Variants in CCDC171 observed in about 807,000 individuals in gnomAD.
CCDC171 encodes coiled-coil domain containing 171.
In CCDC171, 177 loss-of-function variants were observed where a neutral mutation model predicts 168.2. The observed-to-expected ratio is 1.05, with a 90% CI of 0.93 to 1.19. The LOEUF is 1.19. CCDC171 is among the 50% of genes most tolerant of loss of function. The pLI is 0.00. For missense variants in CCDC171, 1,991 were observed against 1,539.0 expected, an observed-to-expected ratio of 1.29 and a Z score of -4.91; for synonymous variants, 687 against 540.8, an observed-to-expected ratio of 1.27 and a Z score of -3.75.
intron 23 of CCDC171, among the ~76,000 whole-genome samples, chr9:15,863,093 T>G (rs1472097356): frequency 1.3e-5 from 2 of 151,866 alleles, no homozygotes; most frequent in Non-Finnish European, 2.9e-5. Flanking sequence ...GTATGTTGGG[T>G]CATGTCAGTA....
chr9:15,893,486 A>T (rs1820483470), intron 24 of CCDC171, among the ~76,000 whole-genome samples: 1 of 152,202 alleles, frequency 6.6e-6, no homozygotes, highest in Non-Finnish European at 1.5e-5. Flanking sequence ...CTATCATCAG[A>T]TTGAGCAGAC....
chr9:15,982,821 G>C (rs909482147), intron 3 of CCDC171, among the ~76,000 whole-genome samples: 2 of 152,068 alleles, frequency 1.3e-5, no homozygotes, highest in African/African-American at 4.8e-5. Context: ...ACTCTTCTGT[G>C]TCCAGAGAGA....
At chr9:15,587,933 C>A (rs1289078420) in intron 4 of CCDC171, among the ~76,000 whole-genome samples, 1 of 152,072 alleles carries the variant, frequency 6.6e-6, no homozygotes, top group Non-Finnish European at 1.5e-5. Flanking sequence ...AAGATGAAAT[C>A]TATTAGAAAT....
At chr9:15,743,811 T>C (rs2055066302) in intron 16 of CCDC171, among the ~76,000 whole-genome samples, 2 of 152,206 alleles carry the variant, frequency 1.3e-5, no homozygotes, top group Non-Finnish European at 1.5e-5. Flanking sequence ...TGTTATATCA[T>C]TGATTGAACC....
intron 24 of CCDC171, among the ~76,000 whole-genome samples, chr9:15,906,349 G>T (rs981924421): frequency 6.6e-6 from 1 of 152,104 alleles, no homozygotes; most frequent in Admixed American, 6.5e-5. Flanking sequence ...TTCATCCCTG[G>T]GATGCAAAGC....
chr9:15,741,778 T>G lies in CCDC171; in HGVS notation c.2050-2495T>G, dbSNP rs144214121. On this transcript the variant is annotated intron_variant, in intron 16 of 25. Transcript: ENST00000380701. ...CTCTACTTGCTTTTTGTTGCCTAGT[T>G]GTACTGGCTAATAACACACCAAATA... 2.7e-3 allele frequency among the ~76,000 whole-genome samples: 406 copies of G among 152,330 alleles called. 2 individuals carry two copies. Among genetic ancestry groups the G allele is most frequent in the African/African-American group, 9.1e-3 (380 of 41,566 alleles).
intron 2 of CCDC171, among the ~76,000 whole-genome samples, chr9:15,565,245 C>T (rs181911429): frequency 1.8e-3 from 277 of 152,146 alleles, no homozygotes; most frequent in African/African-American, 1.2e-3. Flanking sequence ...CCTGCTGCCA[C>T]GCCTGGCTAA....
At chr9:15,793,556 T>TTTTTTTTGTTTG (rs1256835899) in intron 21 of CCDC171, among the ~76,000 whole-genome samples, 20 of 43,194 alleles carry the variant, frequency 4.6e-4, no homozygotes, top group African/African-American at 1.1e-3. Flanking sequence ...CCAAGGTTTT[T>TTTTTTTTGTTTG]TTTTTTTTTT....
intron 10 of CCDC171, among the ~76,000 whole-genome samples, chr9:15,683,135 A>C (rs1051368482): frequency 2.0e-5 from 3 of 152,022 alleles, no homozygotes; most frequent in Middle Eastern, 3.2e-3. Context: ...TCTAGGAGAG[A>C]CTTTATATTG....
intron 3 of CCDC171, among the ~76,000 whole-genome samples, chr9:16,001,042 C>A (rs1832527613): frequency 6.6e-6 from 1 of 152,030 alleles, no homozygotes. Context: ...ACCAAACTTG[C>A]CAAGAGGGTT....
At chr9:15,682,339 C>T (rs1028457641) in intron 10 of CCDC171, among the ~76,000 whole-genome samples, 2 of 151,904 alleles carry the variant, frequency 1.3e-5, no homozygotes, top group African/African-American at 2.4e-5. Context: ...TGATAGCTCC[C>T]CTGTTTTGAG....
intron 1 of CCDC171, among the ~76,000 whole-genome samples, chr9:16,055,580 G>T (rs1038308870): frequency 2.6e-5 from 4 of 152,246 alleles, no homozygotes; most frequent in African/African-American, 9.6e-5. Flanking sequence ...ATAGTATATT[G>T]CAGGAAGAAG....
At chr9:15,633,867 C>G (rs1257859249) in intron 7 of CCDC171, among the ~76,000 whole-genome samples, 2 of 152,180 alleles carry the variant, frequency 1.3e-5, no homozygotes, top group African/African-American at 2.4e-5. Context: ...AGTTCATGTC[C>G]TTTGTAGGGA....
chr9:15,636,866 C>T (rs1313716714), intron 7 of CCDC171, among the ~76,000 whole-genome samples: 1 of 149,366 alleles, frequency 6.7e-6, no homozygotes, highest in Non-Finnish European at 1.5e-5. Flanking sequence ...TCACTAAAAA[C>T]ATTTTATTAA....
intron 25 of CCDC171, among the ~76,000 whole-genome samples, chr9:15,949,980 A>G (rs1172224355): frequency 2.0e-5 from 3 of 152,166 alleles, no homozygotes; most frequent in Non-Finnish European, 4.4e-5. Flanking sequence ...GATACGTCCC[A>G]TCAATAGTTA....
At chr9:16,010,493 T>C (rs1832839968) in intron 3 of CCDC171, among the ~76,000 whole-genome samples, 2 of 152,070 alleles carry the variant, frequency 1.3e-5, no homozygotes, top group South Asian at 4.1e-4. Context: ...GTGAGGAAGC[T>C]GGAAGCAGAG....
At chr9:15,949,138 T>A (rs1380756838) in intron 25 of CCDC171, among the ~76,000 whole-genome samples, 1 of 152,082 alleles carries the variant, frequency 6.6e-6, no homozygotes, top group East Asian at 1.9e-4. Flanking sequence ...GTTGTAGATA[T>A]GTGGCATTAT....
At chr9:15,991,596 A>G (rs1181737089) in intron 3 of CCDC171, among the ~76,000 whole-genome samples, 20 of 152,206 alleles carry the variant, frequency 1.3e-4, no homozygotes. Flanking sequence ...GAACTGAAGG[A>G]GATACAGACA....
At chr9:15,878,991 G>A (rs1034369437) in intron 24 of CCDC171, among the ~76,000 whole-genome samples, 18 of 152,116 alleles carry the variant, frequency 1.2e-4, no homozygotes, top group African/African-American at 4.1e-4. Flanking sequence ...AGAAGGGAGA[G>A]GATCAGAAAA....
Sources: allele counts gnomAD v4.1 joint callset (sites outside exome capture counted in the v4.1 genomes callset), GRCh38; gene constraint gnomAD v4.1.1; transcripts MANE v1.5; gene names NCBI Gene and HGNC (gene_info 2026-07-23, HGNC 2026-07-21).